The following WAPL variants were observed in gnomAD, a reference collection of about 807,000 sequenced individuals.
The protein encoded by WAPL is wings apart-like protein homolog.
In WAPL, 5 loss-of-function variants were observed where a neutral mutation model predicts 121.0. The observed-to-expected ratio is 0.04, with a 90% CI of 0.02 to 0.09. The LOEUF is 0.09. Ranked by LOEUF, WAPL falls within the 10% of genes least tolerant of loss-of-function variation. The pLI is 1.00. For missense variants in WAPL, 999 were observed against 1,410.8 expected (o/e 0.71, Z 4.68); for synonymous variants, 480 against 481.5 (o/e 1.00, Z 0.04).
At chr10:86,461,089 T>C (rs1841261107) in intron 10 of WAPL, 87 bp downstream of exon 10, 2 of 1,016,110 alleles carry the variant, frequency 2.0e-6, no homozygotes, top group South Asian at 1.6e-5. Context: ...TCCAAACTGA[T>C]ACAATTATTT....
intron 4 of WAPL, 38 bp downstream of exon 4, chr10:86,497,163 A>C: frequency 6.6e-7 from 1 of 1,510,034 alleles, no homozygotes; most frequent in East Asian, 2.3e-5. Context: ...CTCCAATAAC[A>C]AATAAATAAT....
At chr10:86,495,032 A>C (rs990560266) in intron 4 of WAPL, among the ~76,000 whole-genome samples, 1 of 152,222 alleles carries the variant, frequency 6.6e-6, no homozygotes, top group African/African-American at 2.4e-5. Context: ...AGGAAAAATA[A>C]GGCCATAAAA....
chr10:86,498,298 G>C (rs1195013616), intron 3 of WAPL, among the ~76,000 whole-genome samples: 1 of 152,184 alleles, frequency 6.6e-6, no homozygotes, highest in African/African-American at 2.4e-5. Context: ...CAAATGCCTA[G>C]CTGTTCTGCC....
chr10:86,500,404 T>C lies in WAPL; in HGVS notation c.839A>G (p.Glu280Gly). ...NRLENLNEAIEEDIVQSVLRP... is the reference protein window; with the variant it reads ...NRLENLNEAIGEDIVQSVLRP... ...AAGAACACTTTGTACAATATCTTCC[T>C]CAATGGCTTCATTCAGATTTTCCAA... The change falls in exon 3 of 19, where the codon GAG (glutamate) becomes GGG (glycine). Residue 280 changes from glutamate to glycine, a missense_variant. Around this residue, in one of 7 missense-constraint regions of WAPL, gnomAD observed 531 missense variants for 563.1 expected, o/e 0.94. Coordinates refer to ENST00000298767, the MANE Select transcript of WAPL (RefSeq NM_015045.5). 1 of 1,614,256 alleles carries C rather than the reference T, an allele frequency of 6.2e-7. No homozygotes were observed. The highest frequency in any genetic ancestry group is 8.5e-7 in the Non-Finnish European group (1 of 1,180,046).
chr10:86,478,215 C>T (rs2353826), intron 4 of WAPL, among the ~76,000 whole-genome samples: 118,286 of 151,880 alleles, frequency 0.78, 46,830 homozygotes, highest in South Asian at 0.89. Flanking sequence ...AGATGTCTTG[C>T]GCCCAGGAGT....
chr10:86,453,137 G>A (rs956500755), intron 14 of WAPL, 83 bp downstream of exon 14: 2 of 1,085,802 alleles, frequency 1.8e-6, no homozygotes, highest in Non-Finnish European at 2.6e-6. Context: ...TAAAGGGTTG[G>A]TTCTTAAACC....
At chr10:86,464,649 C>T (rs1376571522) in intron 9 of WAPL, among the ~76,000 whole-genome samples, 2 of 152,168 alleles carry the variant, frequency 1.3e-5, no homozygotes, top group African/African-American at 4.8e-5. Context: ...GTTTAGCCAA[C>T]ATAGCAAAAC....
intron 4 of WAPL, among the ~76,000 whole-genome samples, chr10:86,482,335 AT>A (rs1248062884): frequency 6.6e-6 from 1 of 152,210 alleles, no homozygotes; most frequent in Non-Finnish European, 1.5e-5. Flanking sequence ...TAGATCACTT[AT>A]GTACACAGGC....
chr10:86,491,706 C>T lies in WAPL; in HGVS notation c.1644+5495G>A, dbSNP rs1393183567. Among the ~76,000 whole-genome samples, 4 of 150,570 alleles carry T rather than the reference C, an allele frequency of 2.7e-5. No individual in the cohort carries two copies. In the East Asian group the frequency reaches 5.9e-4, roughly 22 times the overall value. On this transcript the variant is annotated intron_variant, in intron 4 of 18. Transcript: ENST00000298767. Reference sequence around the variant, plus strand: ...AAGAGACCGCTTGAAATGGTTCACACTGGCCAAATATAAAACAACTTCAAC... The same window carrying T: ...AAGAGACCGCTTGAAATGGTTCACATTGGCCAAATATAAAACAACTTCAAC...
intron 15 of WAPL, among the ~76,000 whole-genome samples, chr10:86,448,907 C>T (rs577299224): frequency 6.6e-6 from 1 of 152,312 alleles, no homozygotes; most frequent in South Asian, 2.1e-4. Context: ...CAGGCATGAG[C>T]CACCATGTCT....
chr10:86,470,291 C>T (rs191286180), intron 8 of WAPL, among the ~76,000 whole-genome samples: 56 of 152,244 alleles, frequency 3.7e-4, no homozygotes, highest in Admixed American at 2.9e-3. Context: ...ACTTTGGCCT[C>T]CCAAAGTGCT....
In WAPL at chr10:86,453,847, A is replaced by G. The variant is rs6586011; in HGVS notation, c.2658-16T>C. The G allele has an allele frequency of 0.42, 658,415 of 1,566,416 alleles. 141,258 individuals are homozygous for G. Among genetic ancestry groups the G allele is most frequent in the South Asian group, 0.6 (50,907 of 84,184 alleles). Reference sequence around the variant, plus strand: ...CTGTAATGCTCTTAAAAGGAAATAAAATATAGACTATTATAGTAAATAATA... The same window carrying G: ...CTGTAATGCTCTTAAAAGGAAATAAGATATAGACTATTATAGTAAATAATA... On this transcript the variant is annotated splice_polypyrimidine_tract_variant and intron_variant, in intron 12 of 18. Transcript: ENST00000298767.
At chr10:86,511,078 T>TA (rs1842455680) in intron 2 of WAPL, among the ~76,000 whole-genome samples, 1 of 151,916 alleles carries the variant, frequency 6.6e-6, no homozygotes, top group Non-Finnish European at 1.5e-5. Flanking sequence ...TCCTCCCACT[T>TA]TGGCCTACCC....
At chr10:86,455,144 G>A (rs1220575076) in intron 12 of WAPL, among the ~76,000 whole-genome samples, 1 of 151,006 alleles carries the variant, frequency 6.6e-6, no homozygotes, top group Non-Finnish European at 1.5e-5. Flanking sequence ...CGTCTGGGAA[G>A]TGAGGAGCCC....
chr10:86,447,610 T>TA (rs996017098), intron 15 of WAPL, among the ~76,000 whole-genome samples: 20 of 151,990 alleles, frequency 1.3e-4, no homozygotes, highest in African/African-American at 4.8e-4. Flanking sequence ...AAAAAAGTTT[T>TA]AGGGGGAAGT....
chr10:86,463,228 T>C (rs190103774), intron 9 of WAPL, among the ~76,000 whole-genome samples: 115 of 152,196 alleles, frequency 7.6e-4, no homozygotes, highest in African/African-American at 2.6e-3. Context: ...AAAGTGGAGG[T>C]TGCAGTGAGC....
chr10:86,520,506 C>T (rs1442437033), intron 1 of WAPL, among the ~76,000 whole-genome samples: 1 of 152,094 alleles, frequency 6.6e-6, no homozygotes, highest in Non-Finnish European at 1.5e-5. Context: ...CTCCTGATTG[C>T]CTTTATCGTT....
At position 86,446,175 on chromosome 10, in the gene WAPL, G is replaced by A. The variant is rs2132167699; in HGVS notation, c.3322+67C>T. ...TTAAGACAATCTGCAAATTAAAATA[G>A]TTTGAAGAAAAAAACAAAATCAAAC... On this transcript the variant is annotated intron_variant, in intron 16 of 18. Transcript: ENST00000298767. 1.9e-6 allele frequency: 3 copies of A among 1,551,912 alleles called. No homozygotes were observed. The East Asian group carries it at 6.7e-5, about 35-fold the overall frequency.
intron 2 of WAPL, among the ~76,000 whole-genome samples, chr10:86,517,046 C>T (rs11202054): frequency 0.021 from 3,112 of 151,704 alleles, 123 homozygotes; most frequent in African/African-American, 0.071. Context: ...GAGACTCCTT[C>T]TCAAAAAAAA....
Sources: gnomAD v4.1 joint callset for allele counts (sites outside exome capture counted in the v4.1 genomes callset) on GRCh38, gnomAD v4.1.1 for gene constraint, gnomAD v4.1.1 regional missense constraint, MANE v1.5 for transcripts, NCBI Gene and HGNC (gene_info 2026-07-23, HGNC 2026-07-21) for gene names.